The following ZFYVE9 variants were observed in gnomAD, a reference collection of about 807,000 sequenced individuals.
The protein encoded by ZFYVE9 is zinc finger FYVE domain-containing protein 9.
In ZFYVE9, 43 loss-of-function variants were observed where a neutral mutation model predicts 126.7. That is an observed-to-expected ratio of 0.34 (90% CI 0.27 to 0.44). ZFYVE9 has a LOEUF of 0.44. Ranked by LOEUF, ZFYVE9 falls within the 20% of genes least tolerant of loss-of-function variation. ZFYVE9 has a pLI of 1.00. For synonymous variants in ZFYVE9, 521 were observed against 597.4 expected, an observed-to-expected ratio of 0.87 and a Z score of 1.87; for missense variants, 1,476 against 1,697.0, an observed-to-expected ratio of 0.87 and a Z score of 2.29.
rs758531971 is a variant in ZFYVE9 at position 52,238,166 on chromosome 1, G to A, written c.749G>A (p.Gly250Glu). The A allele has an allele frequency of 6.2e-6, 10 of 1,613,970 alleles. No homozygotes were observed. The highest frequency in any genetic ancestry group is 8.5e-6 in the Non-Finnish European group (10 of 1,179,974). The change falls in exon 4 of 19, where the codon GGA becomes GAA. Residue 250 changes from glycine to glutamate, a missense_variant. Around this residue, in one of 2 missense-constraint regions of ZFYVE9, gnomAD observed 807 missense variants for 794.6 expected, o/e 1.02. Coordinates refer to ENST00000287727, the MANE Select transcript of ZFYVE9 (RefSeq NM_004799.4). ...VCSPSQLKDDGSIGRDPSMSA... is the reference protein window; with the variant it reads ...VCSPSQLKDDESIGRDPSMSA... ...TCCCCTTCACAATTAAAGGATGACGGAAGTATAGGTAGAGACCCCTCCATG... is the reference window on the plus strand; with the variant it reads ...TCCCCTTCACAATTAAAGGATGACGAAAGTATAGGTAGAGACCCCTCCATG...
intron 10 of ZFYVE9, among the ~76,000 whole-genome samples, chr1:52,287,166 T>C (rs1259497076): frequency 6.6e-6 from 1 of 152,214 alleles, no homozygotes; most frequent in Non-Finnish European, 1.5e-5. Flanking sequence ...CTTGGCACCC[T>C]GCAACCTCTG....
At chr1:52,206,231 C>G (rs1445019621) in intron 1 of ZFYVE9, among the ~76,000 whole-genome samples, 1 of 152,118 alleles carries the variant, frequency 6.6e-6, no homozygotes, top group Non-Finnish European at 1.5e-5. Flanking sequence ...GAGCTCACAC[C>G]AGGCTAATAA....
At chr1:52,296,606 T>C (rs1282463918) in intron 12 of ZFYVE9, among the ~76,000 whole-genome samples, 7 of 152,176 alleles carry the variant, frequency 4.6e-5, no homozygotes, top group Non-Finnish European at 1.0e-4. Flanking sequence ...GCTGCATATA[T>C]GCACAGACTA....
intron 2 of ZFYVE9, among the ~76,000 whole-genome samples, chr1:52,219,804 G>GTGTGTGTGTGTGTGTGTGTGT (rs1553126056): frequency 1.1e-5 from 1 of 88,086 alleles, no homozygotes; most frequent in Admixed American, 1.2e-4. Flanking sequence ...TGTGTGTGTG[G>GTGTGTGTGTGTGTGTGTGTGT]CAGAGTCTTA....
intron 4 of ZFYVE9, among the ~76,000 whole-genome samples, chr1:52,255,310 A>C (rs1645493069): frequency 6.6e-6 from 1 of 152,084 alleles, no homozygotes; most frequent in African/African-American, 2.4e-5. Flanking sequence ...AGAGCCAGGC[A>C]CGGTGGGTCA....
At chr1:52,197,742 TAAC>T (rs1168435032) in intron 1 of ZFYVE9, among the ~76,000 whole-genome samples, 1 of 152,214 alleles carries the variant, frequency 6.6e-6, no homozygotes, top group African/African-American at 2.4e-5. Context: ...CCATTAGTTT[TAAC>T]AATATGGAAG....
rs1167262532 is a variant in ZFYVE9 at position 52,316,182 on chromosome 1, A to AAG, written c.3438+12258_3438+12259insGA. Among the ~76,000 whole-genome samples the AAG allele has an allele frequency of 5.4e-5, 8 of 148,160 alleles. No homozygotes were observed. In the South Asian group the frequency reaches 1.1e-3, roughly 20 times the overall value. The stretch of plus-strand genomic sequence containing the variant: ...CTCCATCTCAAAAAAAAAAAAAAAA[A>AAG]AAAAAAAAGAAAAGAAACCACAGCC... On this transcript the variant is annotated intron_variant, in intron 13 of 18. Coordinates refer to ENST00000287727, the MANE Select transcript of ZFYVE9 (RefSeq NM_004799.4).
intron 1 of ZFYVE9, among the ~76,000 whole-genome samples, chr1:52,175,351 G>A (rs947526409): frequency 3.2e-4 from 49 of 151,578 alleles, no homozygotes; most frequent in Non-Finnish European, 5.6e-4. Context: ...CTTCTGGCTC[G>A]TAGAGTTTCT....
chr1:52,200,205 C>T (rs1254026925), intron 1 of ZFYVE9, among the ~76,000 whole-genome samples: 2 of 151,662 alleles, frequency 1.3e-5, no homozygotes. Context: ...TTTAGACAGG[C>T]TCTCACTCTG....
At chr1:52,341,130 G>A (rs1646433712) in intron 17 of ZFYVE9, among the ~76,000 whole-genome samples, 1 of 152,222 alleles carries the variant, frequency 6.6e-6, no homozygotes, top group South Asian at 2.1e-4. Context: ...TGAGGTGGGA[G>A]AATCGCTTGA....
intron 1 of ZFYVE9, among the ~76,000 whole-genome samples, chr1:52,163,805 C>T (rs1329089236): frequency 6.6e-6 from 1 of 151,216 alleles, no homozygotes; most frequent in East Asian, 2.0e-4. Flanking sequence ...GAGACCTCAT[C>T]TAAATTATTA....
chr1:52,329,013 A>G (rs1646316026), intron 13 of ZFYVE9, among the ~76,000 whole-genome samples: 1 of 152,222 alleles, frequency 6.6e-6, no homozygotes. Flanking sequence ...CAAGGAAGTA[A>G]AAGACTTGTA....
At chr1:52,175,647 A>G (rs1262793085) in intron 1 of ZFYVE9, among the ~76,000 whole-genome samples, 2 of 152,064 alleles carry the variant, frequency 1.3e-5, no homozygotes, top group African/African-American at 4.8e-5. Flanking sequence ...TACACCATTC[A>G]GATGTAGATT....
At chr1:52,166,162 G>A (rs1017955160) in intron 1 of ZFYVE9, among the ~76,000 whole-genome samples, 2 of 152,156 alleles carry the variant, frequency 1.3e-5, no homozygotes, top group African/African-American at 4.8e-5. Context: ...TGAAACTGAC[G>A]TTTTAGAACA....
At chr1:52,241,661 T>A (rs1645335279) in intron 4 of ZFYVE9, among the ~76,000 whole-genome samples, 1 of 152,198 alleles carries the variant, frequency 6.6e-6, no homozygotes, top group Non-Finnish European at 1.5e-5. Flanking sequence ...ATTCATGGAT[T>A]CATGTGGCTT....
chr1:52,338,174 C>T (rs1331772118), intron 16 of ZFYVE9, among the ~76,000 whole-genome samples: 3 of 152,160 alleles, frequency 2.0e-5, no homozygotes, highest in Non-Finnish European at 4.4e-5. Context: ...AAAAAAGTCC[C>T]TCTATAGTTA....
chr1:52,203,470 T>G (rs1372422268), intron 1 of ZFYVE9, among the ~76,000 whole-genome samples: 3 of 438 alleles, frequency 6.8e-3, no homozygotes, highest in Non-Finnish European at 0.012. Flanking sequence ...GACCCGTCTT[T>G]TTTTTTTTTT....
At chr1:52,160,379 A>T in intron 1 of ZFYVE9, 2 of 1,142,600 alleles carry the variant, frequency 1.8e-6, no homozygotes, top group Non-Finnish European at 2.7e-6. Flanking sequence ...CTTTTTGGAC[A>T]TATATTCAGA....
intron 4 of ZFYVE9, among the ~76,000 whole-genome samples, chr1:52,259,542 C>T (rs1489987885): frequency 2.0e-5 from 3 of 151,104 alleles, no homozygotes; most frequent in Non-Finnish European, 4.4e-5. Context: ...AATCCCAGCA[C>T]TTTGGGAGGC....
Sources: allele counts gnomAD v4.1 joint callset (sites outside exome capture counted in the v4.1 genomes callset), GRCh38; gene constraint gnomAD v4.1.1; regional missense constraint gnomAD v4.1.1; transcripts MANE v1.5; gene names NCBI Gene and HGNC (gene_info 2026-07-23, HGNC 2026-07-21).